Variants in KRT32 observed in about 807,000 individuals in gnomAD.
The protein encoded by KRT32 is keratin 32, also known as keratin, type I cuticular Ha2.
In KRT32, 44 loss-of-function variants were observed where a neutral mutation model predicts 41.8. The ratio of observed to expected loss-of-function variants is 1.05; its 90% CI spans 0.83 to 1.35. The LOEUF (loss-of-function observed/expected upper bound fraction) is 1.35, where lower values mean the gene tolerates loss of function less well. Ranked by LOEUF, KRT32 falls within the 40% of genes most tolerant of loss-of-function variation. The pLI is 0.00. For missense variants in KRT32, 576 were observed against 584.6 expected (o/e 0.99, Z 0.15); for synonymous variants, 238 against 242.5 (o/e 0.98, Z 0.17).
chr17:41,460,427 C>T lies in KRT32; in HGVS notation c.1218-188G>A, dbSNP rs1034437262. 3.9e-5 allele frequency among the ~76,000 whole-genome samples: 6 copies of T among 152,174 alleles called. No homozygotes were observed. In the South Asian group the frequency reaches 1.0e-3, roughly 26 times the overall value. ...TGGCCTCCTAACTGATCTCCCCAAC[C>T]CCACTTGGGCCCCTCCTAACCACTG... On this transcript the variant is annotated intron_variant, in intron 6 of 6. Coordinates refer to ENST00000225899, the MANE Select transcript of KRT32 (RefSeq NM_002278.3).
intron 6 of KRT32, 78 bp from the exon 7 acceptor site, chr17:41,460,317 G>A (rs184270339): frequency 1.5e-5 from 23 of 1,501,712 alleles, no homozygotes; most frequent in Admixed American, 9.9e-5. Context: ...TTCTCCCCTC[G>A]GATGCCTCTC....
intron 4 of KRT32, 39 bp downstream of exon 4, chr17:41,464,243 G>A: frequency 6.3e-7 from 1 of 1,585,122 alleles, no homozygotes; most frequent in Non-Finnish European, 8.6e-7. Flanking sequence ...TCCCTTCCTA[G>A]GGATATGGAG....
intron 2 of KRT32, 43 bp downstream of exon 2, chr17:41,466,051 G>A (rs374960166): frequency 3.1e-6 from 5 of 1,610,046 alleles, no homozygotes; most frequent in African/African-American, 1.3e-5. Flanking sequence ...CAGAGCCTAT[G>A]AGGACAGGTC....
At chr17:41,462,661 G>A (rs1448088853) in intron 6 of KRT32, among the ~76,000 whole-genome samples, 169 bp downstream of exon 6, 1 of 152,230 alleles carries the variant, frequency 6.6e-6, no homozygotes, top group Non-Finnish European at 1.5e-5. Context: ...CAGGATGGCA[G>A]CATGAACACC....
In KRT32 at chr17:41,466,974, C is replaced by G. The variant is rs894764715; in HGVS notation, c.352G>C (p.Glu118Gln). 2 of 1,614,100 alleles carry G rather than the reference C, an allele frequency of 1.2e-6. No individual in the cohort carries two copies. The highest frequency in any genetic ancestry group is 2.7e-5 in the African/African-American group (2 of 74,946). The change falls in exon 1 of 7, where the codon GAG (glutamate) becomes CAG (glutamine). Residue 118 changes from glutamate (E) to glutamine (Q), a missense_variant. Coordinates refer to ENST00000225899, the MANE Select transcript of KRT32 (RefSeq NM_002278.3). ...ASYLTRVRQL[E>Q]QENAELESRI... ...CTCTCCAGCTCCGCATTCTCCTGCTCCAGCTGCCGCACCCTCGTCAGGTAG... is the reference window on the plus strand; with the variant it reads ...CTCTCCAGCTCCGCATTCTCCTGCTGCAGCTGCCGCACCCTCGTCAGGTAG...
chr17:41,465,675 C>T (rs2019058100), intron 3 of KRT32, 98 bp downstream of exon 3: 2 of 1,256,630 alleles, frequency 1.6e-6, no homozygotes, highest in Non-Finnish European at 2.2e-6. Flanking sequence ...CAACATGTGG[C>T]AGGCTTGGGA....
rs1356241641 is a variant in KRT32, at chr17:41,459,534, TTATGA to T, written c.*571_*575del. Among the ~76,000 whole-genome samples the T allele has an allele frequency of 6.6e-6, 1 of 151,828 alleles. No individual in the cohort carries two copies. The highest frequency in any genetic ancestry group is 2.4e-5 in the African/African-American group (1 of 41,070). ...GTAATGAGATTTAGGGGTGGGTTTA[TTATGA>T]TATGATTCTCAATTACAGTAATTTG... On this transcript the variant is annotated 3_prime_UTR_variant, in exon 7 of 7. Coordinates refer to ENST00000225899, the MANE Select transcript of KRT32 (RefSeq NM_002278.3).
Position 41,465,886 on chromosome 17 carries a change from T to TGTCG in KRT32, c.591_594dup (p.Ile199ArgfsTer11), listed in dbSNP as rs746743648. Reference sequence around the variant, plus strand: ...TCCAGGATCCTGCGCAGGCCATTGATGTCGGCCTCCACCAGCTGCCGCATG... The same window carrying TGTCG: ...TCCAGGATCCTGCGCAGGCCATTGATGTCGGTCGGCCTCCACCAGCTGCCGCATG... On this transcript the variant is annotated frameshift_variant, in exon 3 of 7. Transcript: ENST00000225899. LOFTEE classifies it high-confidence loss of function. 6.2e-7 allele frequency: 1 copy of TGTCG among 1,614,014 alleles called. No individual in the cohort carries two copies.
At chr17:41,461,749 G>T (rs2019003078) in intron 6 of KRT32, among the ~76,000 whole-genome samples, 1 of 152,250 alleles carries the variant, frequency 6.6e-6, no homozygotes, top group African/African-American at 2.4e-5. Flanking sequence ...CCTTGCAAAT[G>T]TTTGACACAA....
chr17:41,461,940 G>A (rs2144446739), intron 6 of KRT32, among the ~76,000 whole-genome samples: 1 of 152,284 alleles, frequency 6.6e-6, no homozygotes, highest in Admixed American at 6.5e-5. Flanking sequence ...TGCCTCTGCT[G>A]CCCTAACTCA....
At position 41,467,168 on chromosome 17, in the gene KRT32, G is replaced by C. The variant is rs904789703; in HGVS notation, c.158C>G (p.Pro53Arg). ...GCAGCTGGCTGGCCGGAAGGTGGTG[G>C]GCAGGCAGACCGAAGGCAGGCATGC... is the stretch of plus-strand genomic sequence containing the variant. ...PMACLPSVCLPTTFRPASCLS... is the reference protein window; with the variant it reads ...PMACLPSVCLRTTFRPASCLS... Residue 53 changes from proline to arginine, a missense_variant, in exon 1 of 7, where the codon CCC becomes CGC. Pro to Arg is a moderately radical substitution (Grantham distance 103). Transcript: ENST00000225899. 1.9e-6 allele frequency: 3 copies of C among 1,613,958 alleles called. No homozygotes were observed. Among genetic ancestry groups the C allele is most frequent in the African/African-American group, 1.3e-5 (1 of 74,948 alleles).
chr17:41,464,264 C>T lies in KRT32; in HGVS notation c.870+18G>A. 6.3e-7 allele frequency: 1 copy of T among 1,586,550 alleles called. No individual in the cohort carries two copies. Among genetic ancestry groups the T allele is most frequent in the Non-Finnish European group, 8.6e-7 (1 of 1,165,280 alleles). Reference sequence around the variant, plus strand: ...CCTAGGGATATGGAGGAGGCCATCCCCACCGTGAGAGGCCCACCTGCATAT... The same window carrying T: ...CCTAGGGATATGGAGGAGGCCATCCTCACCGTGAGAGGCCCACCTGCATAT... On this transcript the variant is annotated intron_variant, in intron 4 of 6. Coordinates refer to ENST00000225899, the MANE Select transcript of KRT32 (RefSeq NM_002278.3).
chr17:41,461,842 C>T (rs922712786), intron 6 of KRT32, among the ~76,000 whole-genome samples: 3 of 152,186 alleles, frequency 2.0e-5, no homozygotes, highest in East Asian at 1.9e-4. Flanking sequence ...CAGTCGTCAG[C>T]CCACTGGGTG....
intron 6 of KRT32, 57 bp downstream of exon 6, chr17:41,462,772 CT>C: frequency 6.3e-7 from 1 of 1,587,144 alleles, no homozygotes; most frequent in Non-Finnish European, 8.6e-7. Context: ...CAGTTGCTTC[CT>C]ATAACCTCCC....
chr17:41,461,209 G>A (rs961407623), intron 6 of KRT32, among the ~76,000 whole-genome samples: 1 of 152,134 alleles, frequency 6.6e-6, no homozygotes, highest in East Asian at 1.9e-4. Context: ...ATTCTATTAT[G>A]GTCTGTCTCC....
chr17:41,460,480 A>G (rs977368068), intron 6 of KRT32, among the ~76,000 whole-genome samples: 2 of 152,124 alleles, frequency 1.3e-5, no homozygotes, highest in African/African-American at 4.8e-5. Context: ...GCAATCTTCT[A>G]CAGTCACAAA....
At chr17:41,463,401 C>A (rs1253465136) in intron 5 of KRT32, among the ~76,000 whole-genome samples, 2 of 152,166 alleles carry the variant, frequency 1.3e-5, no homozygotes, top group Non-Finnish European at 2.9e-5. Flanking sequence ...CACATGGGAG[C>A]CCTCAAAAAA....
chr17:41,462,799 GTCTC>G, intron 6 of KRT32, 27 bp downstream of exon 6: 1 of 1,609,210 alleles, frequency 6.2e-7, no homozygotes. Flanking sequence ...CCCTGCCCAC[GTCTC>G]TCTAAGCCTC....
intron 1 of KRT32, 24 bp from the exon 2 acceptor site, chr17:41,466,200 G>A (rs1471907940): frequency 1.2e-6 from 2 of 1,602,724 alleles, no homozygotes; most frequent in East Asian, 2.2e-5. Flanking sequence ...CACATGGAGA[G>A]GGTTAGTTCA....
Sources: gnomAD v4.1 joint callset for allele counts (sites outside exome capture counted in the v4.1 genomes callset) on GRCh38, gnomAD v4.1.1 for gene constraint, MANE v1.5 for transcripts, NCBI Gene and HGNC (gene_info 2026-07-23, HGNC 2026-07-21) for gene names.